Variants in MAML3 observed in about 807,000 individuals in gnomAD.
MAML3 encodes mastermind-like protein 3.
MAML3 carries 27 observed loss-of-function variants against 101.9 expected under a neutral mutation model. That is an observed-to-expected ratio of 0.27 (90% CI 0.20 to 0.37). The LOEUF is 0.37. Among genes scored for constraint, MAML3 ranks in the 10% least tolerant of loss-of-function variants. MAML3 has a pLI of 1.00. For missense variants in MAML3, 1,316 were observed against 1,444.9 expected (o/e 0.91, Z 1.45); for synonymous variants, 501 against 555.9 (o/e 0.90, Z 1.39).
At chr4:140,027,744 T>C (rs748860856) in intron 1 of MAML3, among the ~76,000 whole-genome samples, 24 of 152,334 alleles carry the variant, frequency 1.6e-4, no homozygotes, top group Admixed American at 3.9e-4. Flanking sequence ...TTCAATCAAT[T>C]TGACACATTC....
At chr4:139,894,186 C>A (rs140256062) in intron 1 of MAML3, among the ~76,000 whole-genome samples, 1 of 152,234 alleles carries the variant, frequency 6.6e-6, no homozygotes, top group East Asian at 1.9e-4. Context: ...CATTTTACTG[C>A]TAGGTGCTTT....
At chr4:140,071,343 T>C (rs549193402) in intron 1 of MAML3, among the ~76,000 whole-genome samples, 1 of 152,286 alleles carries the variant, frequency 6.6e-6, no homozygotes, top group Admixed American at 6.5e-5. Flanking sequence ...AGCAAGGAAA[T>C]GGATCTCCAG....
intron 1 of MAML3, among the ~76,000 whole-genome samples, chr4:139,977,664 T>C (rs188670238): frequency 3.9e-5 from 6 of 151,930 alleles, no homozygotes; most frequent in Non-Finnish European, 7.4e-5. Flanking sequence ...CCTGAGGTCA[T>C]GAGTTCGAGA....
At chr4:139,939,259 C>T (rs1733557718) in intron 1 of MAML3, among the ~76,000 whole-genome samples, 1 of 152,178 alleles carries the variant, frequency 6.6e-6, no homozygotes, top group Admixed American at 6.5e-5. Flanking sequence ...TTTAATTATT[C>T]TCACTTCTCC....
intron 1 of MAML3, among the ~76,000 whole-genome samples, chr4:140,060,972 A>G (rs1384677817): frequency 6.6e-6 from 1 of 152,224 alleles, no homozygotes; most frequent in African/African-American, 2.4e-5. Flanking sequence ...AAAAGCAGCA[A>G]CTGGAGCCCC....
chr4:139,923,046 G>A (rs565877733), intron 1 of MAML3, among the ~76,000 whole-genome samples: 2 of 152,270 alleles, frequency 1.3e-5, no homozygotes, highest in African/African-American at 4.8e-5. Context: ...GGTGCCAGAG[G>A]GATACGTAAC....
At chr4:139,994,716 T>C (rs1315866231) in intron 1 of MAML3, among the ~76,000 whole-genome samples, 3 of 152,250 alleles carry the variant, frequency 2.0e-5, no homozygotes, top group Admixed American at 2.0e-4. Flanking sequence ...TGTATATTAA[T>C]CTTGTATCTT....
At chr4:139,999,577 C>T (rs2110841652) in intron 1 of MAML3, among the ~76,000 whole-genome samples, 2 of 152,310 alleles carry the variant, frequency 1.3e-5, no homozygotes, top group Middle Eastern at 6.8e-3. Context: ...GATTTGTTGA[C>T]TTCCTTACTT....
intron 1 of MAML3, among the ~76,000 whole-genome samples, chr4:139,976,882 G>T (rs1322252858): frequency 6.6e-6 from 1 of 152,094 alleles, no homozygotes; most frequent in Non-Finnish European, 1.5e-5. Flanking sequence ...TTTCACGACT[G>T]TGGGGAGAAG....
At position 140,063,581 on chromosome 4, in the gene MAML3, G is replaced by A. The variant is rs77336762; in HGVS notation, c.468+89279C>T. Among the ~76,000 whole-genome samples, 880 of 152,204 alleles carry A rather than the reference G, an allele frequency of 5.8e-3. 9 individuals are homozygous for A. The highest frequency in any genetic ancestry group is 0.02 in the African/African-American group (831 of 41,524). On this transcript the variant is annotated intron_variant, in intron 1 of 4. Coordinates refer to ENST00000509479, the MANE Select transcript of MAML3 (RefSeq NM_018717.5). ...ATTTCCCAATTTACTTCCCACAGGG[G>A]CCAATATTCCCTTTTATAGCTTGCT...
At chr4:139,856,370 T>C (rs1342526735) in intron 2 of MAML3, among the ~76,000 whole-genome samples, 1 of 152,160 alleles carries the variant, frequency 6.6e-6, no homozygotes, top group African/African-American at 2.4e-5. Context: ...ATCCTCCTGT[T>C]GGAAAAAGGA....
intron 1 of MAML3, among the ~76,000 whole-genome samples, chr4:140,108,602 A>C (rs57553573): frequency 6.7e-6 from 1 of 149,058 alleles, no homozygotes; most frequent in Non-Finnish European, 1.5e-5. Context: ...GATGCTCAAC[A>C]AATGTTAGAT....
chr4:139,980,302 G>A (rs1734422132), intron 1 of MAML3, among the ~76,000 whole-genome samples: 2 of 152,122 alleles, frequency 1.3e-5, no homozygotes, highest in South Asian at 4.1e-4. Flanking sequence ...CCTCCACCTT[G>A]ATCCCTGAGA....
Position 139,861,179 on chromosome 4 carries a change from T to C in MAML3, c.2079+28178A>G, listed in dbSNP as rs987459965. On this transcript the variant is annotated intron_variant, in intron 2 of 4. Coordinates refer to ENST00000509479, the MANE Select transcript of MAML3 (RefSeq NM_018717.5). ...CCCTGAGACCTCGGGATCTCACTCC[T>C]GCCCAGCTGTCTTCATACCTCCTGG... is the stretch of plus-strand genomic sequence containing the variant. Among the ~76,000 whole-genome samples the C allele has an allele frequency of 3.3e-5, 5 of 152,190 alleles. No homozygotes were observed. In the South Asian group the frequency reaches 6.2e-4, roughly 19 times the overall value.
intron 2 of MAML3, among the ~76,000 whole-genome samples, chr4:139,742,812 T>C (rs1440638320): frequency 6.6e-6 from 1 of 152,230 alleles, no homozygotes; most frequent in East Asian, 1.9e-4. Flanking sequence ...TGGGAAACTT[T>C]TAGTGAGGAA....
At chr4:140,123,026 A>T (rs1728632875) in intron 1 of MAML3, among the ~76,000 whole-genome samples, 2 of 151,580 alleles carry the variant, frequency 1.3e-5, no homozygotes, top group South Asian at 4.2e-4. Flanking sequence ...TATGGCCATG[A>T]TACTCAAAAT....
chr4:140,067,088 G>C (rs1727549248), intron 1 of MAML3, among the ~76,000 whole-genome samples: 1 of 152,004 alleles, frequency 6.6e-6, no homozygotes, highest in East Asian at 1.9e-4. Context: ...CAATATTAAA[G>C]CTTTCTGGAA....
At chr4:140,061,652 A>G (rs1180147799) in intron 1 of MAML3, among the ~76,000 whole-genome samples, 1 of 152,226 alleles carries the variant, frequency 6.6e-6, no homozygotes, top group Non-Finnish European at 1.5e-5. Context: ...TTAATGAAAA[A>G]TAAGAAAATA....
At chr4:139,760,065 A>C (rs1054162277) in intron 2 of MAML3, among the ~76,000 whole-genome samples, 10 of 152,260 alleles carry the variant, frequency 6.6e-5, no homozygotes, top group African/African-American at 2.4e-4. Flanking sequence ...AATGGAAAAC[A>C]GTGCATAGAA....
Sources: gnomAD v4.1 joint callset for allele counts (sites outside exome capture counted in the v4.1 genomes callset) on GRCh38, gnomAD v4.1.1 for gene constraint, MANE v1.5 for transcripts, NCBI Gene and HGNC (gene_info 2026-07-23, HGNC 2026-07-21) for gene names.